Variants in MSI2 observed in about 807,000 individuals in gnomAD.
The protein encoded by MSI2 is musashi RNA binding protein 2.
In MSI2, 17 loss-of-function variants were observed where a neutral mutation model predicts 45.6. The observed-to-expected ratio is 0.37, with a 90% CI of 0.26 to 0.56. MSI2 has a LOEUF of 0.56. Among genes scored for constraint, MSI2 ranks in the 20% least tolerant of loss-of-function variants. MSI2 has a pLI of 0.77. For missense variants in MSI2, 293 were observed against 444.2 expected, an observed-to-expected ratio of 0.66 and a Z score of 3.06; for synonymous variants, 156 against 158.2, an observed-to-expected ratio of 0.99 and a Z score of 0.11.
intron 13 of MSI2, among the ~76,000 whole-genome samples, chr17:57,677,864 CCTT>C (rs1393954651): frequency 2.0e-5 from 3 of 152,170 alleles, no homozygotes; most frequent in Non-Finnish European, 2.9e-5. Flanking sequence ...GAGTATCTGT[CCTT>C]CTTGGGAAGA....
chr17:57,294,112 G>C (rs1399829472), intron 5 of MSI2, among the ~76,000 whole-genome samples: 2 of 152,164 alleles, frequency 1.3e-5, no homozygotes, highest in Admixed American at 6.5e-5. Flanking sequence ...ATGTCCCTAT[G>C]TTCTGGAGGC....
At chr17:57,561,483 T>G (rs570457217) in intron 7 of MSI2, among the ~76,000 whole-genome samples, 186 of 152,332 alleles carry the variant, frequency 1.2e-3, no homozygotes, top group African/African-American at 4.3e-3. Context: ...GTGCTTGAAC[T>G]AGCGGGTCAG....
At chr17:57,351,294 AG>A (rs957166848) in intron 5 of MSI2, among the ~76,000 whole-genome samples, 17 of 152,004 alleles carry the variant, frequency 1.1e-4, no homozygotes, top group African/African-American at 3.9e-4. Flanking sequence ...AGGCTCAGTA[AG>A]GGCACTAGCC....
chr17:57,422,495 C>T (rs2084413972), intron 6 of MSI2, among the ~76,000 whole-genome samples: 1 of 152,138 alleles, frequency 6.6e-6, no homozygotes, highest in Non-Finnish European at 1.5e-5. Context: ...TTACAGTCTC[C>T]CTGTGAGGTA....
intron 7 of MSI2, among the ~76,000 whole-genome samples, chr17:57,557,114 G>A (rs1466300695): frequency 9.2e-5 from 14 of 152,174 alleles, no homozygotes; most frequent in Admixed American, 9.2e-4. Context: ...CCTGCCTGAG[G>A]AGTGAACAGA....
rs145802259 is a variant in MSI2 at position 57,377,424 on chromosome 17, G to T, written c.313-23955G>T. Among the ~76,000 whole-genome samples the T allele has an allele frequency of 1.5e-4, 23 of 152,322 alleles. 1 individual carries two copies. The highest frequency in any genetic ancestry group is 5.5e-4 in the African/African-American group (23 of 41,574). ...GCTGGCTCCACAGTTGGAATTCTGT[G>T]TCGGGGAAAGGACAGGGAATTTGGG... is the stretch of plus-strand genomic sequence containing the variant. On this transcript the variant is annotated intron_variant, in intron 5 of 13. Coordinates refer to ENST00000284073, the MANE Select transcript of MSI2 (RefSeq NM_138962.4).
chr17:57,458,612 G>A (rs190934814), intron 6 of MSI2, among the ~76,000 whole-genome samples: 255 of 152,312 alleles, frequency 1.7e-3, no homozygotes, highest in Middle Eastern at 6.8e-3. Context: ...CTACATGGAT[G>A]GAGAGCCCCT....
intron 5 of MSI2, among the ~76,000 whole-genome samples, chr17:57,347,578 A>T (rs745683536): frequency 2.0e-5 from 3 of 152,124 alleles, no homozygotes; most frequent in Non-Finnish European, 4.4e-5. Flanking sequence ...TGTATGTTGA[A>T]ACCCATGGTA....
chr17:57,311,525 G>A, intron 5 of MSI2, among the ~76,000 whole-genome samples: 1 of 152,148 alleles, frequency 6.6e-6, no homozygotes, highest in Non-Finnish European at 1.5e-5. Flanking sequence ...TGGGAAAGCT[G>A]AAAGGACAGA....
intron 11 of MSI2, among the ~76,000 whole-genome samples, chr17:57,654,346 AGGGTTACAGG>A (rs1251388157): frequency 2.0e-5 from 3 of 152,250 alleles, no homozygotes; most frequent in African/African-American, 7.2e-5. Context: ...GACCTGGAAC[AGGGTTACAGG>A]TTTGGGAAAG....
At chr17:57,481,964 T>C (rs1194349053) in intron 6 of MSI2, among the ~76,000 whole-genome samples, 2 of 152,232 alleles carry the variant, frequency 1.3e-5, no homozygotes, top group African/African-American at 4.8e-5. Context: ...GTTCACTCTT[T>C]GTTGATTTCA....
intron 6 of MSI2, among the ~76,000 whole-genome samples, chr17:57,414,828 T>C (rs1253942555): frequency 6.6e-6 from 1 of 152,146 alleles, no homozygotes; most frequent in Non-Finnish European, 1.5e-5. Flanking sequence ...CAGCAAAAGC[T>C]TAATAGAACT....
intron 5 of MSI2, among the ~76,000 whole-genome samples, chr17:57,358,981 C>G (rs1375637594): frequency 6.6e-6 from 1 of 152,128 alleles, no homozygotes; most frequent in Non-Finnish European, 1.5e-5. Flanking sequence ...TCTGTTCACC[C>G]ACAAAAGTCT....
At chr17:57,663,961 G>T (rs1209986372) in intron 11 of MSI2, among the ~76,000 whole-genome samples, 1 of 152,046 alleles carries the variant, frequency 6.6e-6, no homozygotes, top group Non-Finnish European at 1.5e-5. Flanking sequence ...CTCCTAGGGG[G>T]AGAGGTTGCC....
At chr17:57,457,455 A>G (rs1194974135) in intron 6 of MSI2, among the ~76,000 whole-genome samples, 1 of 152,246 alleles carries the variant, frequency 6.6e-6, no homozygotes, top group Non-Finnish European at 1.5e-5. Flanking sequence ...TGGTTAAGGT[A>G]GGTAATGATT....
At chr17:57,576,323 C>T (rs1329907583) in intron 7 of MSI2, among the ~76,000 whole-genome samples, 1 of 152,162 alleles carries the variant, frequency 6.6e-6, no homozygotes, top group Non-Finnish European at 1.5e-5. Context: ...GGGCTGGATC[C>T]TACTCTCCAT....
intron 9 of MSI2, among the ~76,000 whole-genome samples, chr17:57,625,081 T>TA (rs1461667356): frequency 6.6e-6 from 1 of 152,098 alleles, no homozygotes; most frequent in Non-Finnish European, 1.5e-5. Flanking sequence ...ACCTCTTTGT[T>TA]AAGGGCACAT....
chr17:57,308,399 TATA>T (rs1331788948), intron 5 of MSI2, among the ~76,000 whole-genome samples: 1 of 152,226 alleles, frequency 6.6e-6, no homozygotes, highest in South Asian at 2.1e-4. Context: ...TTGCTAAGTG[TATA>T]ATATCTATTT....
chr17:57,544,359 A>G (rs1258856804), intron 7 of MSI2, among the ~76,000 whole-genome samples: 1 of 152,210 alleles, frequency 6.6e-6, no homozygotes, highest in Admixed American at 6.5e-5. Flanking sequence ...AGCGTTGTTC[A>G]CTTTTCCTGG....
Sources: gnomAD v4.1 joint callset for allele counts (sites outside exome capture counted in the v4.1 genomes callset) on GRCh38, gnomAD v4.1.1 for gene constraint, MANE v1.5 for transcripts, NCBI Gene and HGNC (gene_info 2026-07-23, HGNC 2026-07-21) for gene names.